EBPL: variants seen among roughly 807,000 people sequenced by gnomAD.
EBPL encodes emopamil-binding protein-like.
A neutral mutation model predicts 19.0 loss-of-function variants in EBPL; 20 were observed. That is an observed-to-expected ratio of 1.05 (90% CI 0.74 to 1.53). The LOEUF (loss-of-function observed/expected upper bound fraction) is 1.53. Among genes scored for constraint, EBPL ranks in the 40% most tolerant of loss-of-function variants. The probability of loss-of-function intolerance (pLI) is 0.00; values close to 1 mark genes in which losing one functional copy is unlikely to be tolerated. For synonymous variants in EBPL, 107 were observed against 117.0 expected (o/e 0.91, Z 0.55); for missense variants, 219 against 261.1 (o/e 0.84, Z 1.11).
chr13:49,669,500 A>T (rs1467309245), intron 2 of EBPL, among the ~76,000 whole-genome samples: 2 of 152,188 alleles, frequency 1.3e-5, no homozygotes, highest in African/African-American at 4.8e-5. Flanking sequence ...GTTTTAGTAG[A>T]ATCACAGGTT....
At chr13:49,663,477 T>G (rs576494486) in intron 2 of EBPL, among the ~76,000 whole-genome samples, 2 of 152,164 alleles carry the variant, frequency 1.3e-5, no homozygotes, top group African/African-American at 4.8e-5. Flanking sequence ...CTCTTCAACA[T>G]AAGTAGCAGA....
At chr13:49,670,630 C>T (rs115336807) in intron 1 of EBPL, among the ~76,000 whole-genome samples, 1 of 152,200 alleles carries the variant, frequency 6.6e-6, no homozygotes, top group Non-Finnish European at 1.5e-5. Context: ...GCGGTGATTT[C>T]ATAATATACT....
chr13:49,665,172 A>G (rs1209881117), intron 2 of EBPL, among the ~76,000 whole-genome samples: 2 of 145,276 alleles, frequency 1.4e-5, no homozygotes, highest in Non-Finnish European at 3.0e-5. Flanking sequence ...GTGCAATGGC[A>G]TGATCTCGGC....
intron 1 of EBPL, among the ~76,000 whole-genome samples, chr13:49,680,249 C>T (rs1230507329): frequency 2.0e-5 from 3 of 152,200 alleles, no homozygotes; most frequent in South Asian, 2.1e-4. Flanking sequence ...GACTCCTGTA[C>T]TGTCATTTCT....
In EBPL at chr13:49,691,264, T is replaced by C. The variant is rs1954060941; in HGVS notation, c.161A>G (p.His54Arg). The C allele has an allele frequency of 7.2e-7, 1 of 1,395,142 alleles. No individual in the cohort carries two copies. Among genetic ancestry groups the C allele is most frequent in the South Asian group, 1.9e-5 (1 of 53,874 alleles). The allele number at this position is 1,395,142 out of a possible 1,614,324, so 86.4% of individuals were successfully genotyped here. A position where few individuals can be genotyped will look rare whatever the true frequency, so the allele number is the denominator to read the frequency against. Residue 54 changes from histidine to arginine, a missense_variant, in exon 1 of 4, where the codon CAC (histidine) becomes CGC (arginine). Coordinates refer to ENST00000242827, the MANE Select transcript of EBPL (RefSeq NM_032565.5). ...GGCGATGGCACTTACCAGCGCGAAGTGCACCAGCGCGTCGTAGCAGAGCCA... is the reference window on the plus strand; with the variant it reads ...GGCGATGGCACTTACCAGCGCGAAGCGCACCAGCGCGTCGTAGCAGAGCCA... ...LIWLCYDALV[H>R]FALEGPFVYL...
intron 1 of EBPL, among the ~76,000 whole-genome samples, chr13:49,688,092 C>CTA (rs1954018450): frequency 6.6e-6 from 1 of 152,206 alleles, no homozygotes; most frequent in Non-Finnish European, 1.5e-5. Flanking sequence ...TGCCTGAATG[C>CTA]TATACATAGA....
At chr13:49,683,546 C>CA (rs1416567865) in intron 1 of EBPL, among the ~76,000 whole-genome samples, 8 of 67,588 alleles carry the variant, frequency 1.2e-4, no homozygotes, top group South Asian at 3.5e-4. Flanking sequence ...AACAAACAAA[C>CA]AAAAAAAACA....
intron 1 of EBPL, among the ~76,000 whole-genome samples, chr13:49,682,580 T>C (rs1199191880): frequency 6.6e-6 from 1 of 152,234 alleles, no homozygotes; most frequent in African/African-American, 2.4e-5. Context: ...GGCACTCACT[T>C]GGGAGCTGGT....
At chr13:49,669,724 C>A in intron 2 of EBPL, 53 bp downstream of exon 2, 1 of 1,507,806 alleles carries the variant, frequency 6.6e-7, no homozygotes, top group Non-Finnish European at 9.2e-7. Flanking sequence ...GACAGTCACA[C>A]TTGCAATAAA....
intron 2 of EBPL, 116 bp downstream of exon 2, chr13:49,669,661 T>A: frequency 7.2e-6 from 6 of 828,976 alleles, no homozygotes; most frequent in Middle Eastern, 2.5e-4. Context: ...CAGACTCACC[T>A]ATTCTGGACA....
intron 3 of EBPL, chr13:49,661,851 T>C: frequency 6.4e-7 from 1 of 1,550,444 alleles, no homozygotes; most frequent in Non-Finnish European, 8.7e-7. Flanking sequence ...GAAAATGGAA[T>C]GCAGCTGTGC....
chr13:49,669,607 C>G (rs1953788031), intron 2 of EBPL, among the ~76,000 whole-genome samples, 170 bp downstream of exon 2: 1 of 152,022 alleles, frequency 6.6e-6, no homozygotes, highest in South Asian at 2.1e-4. Flanking sequence ...ACACCCCCAC[C>G]CCTACCCTCA....
chr13:49,691,388 C>G lies in EBPL; in HGVS notation c.37G>C (p.Gly13Arg). 1 of 1,366,050 alleles carries G rather than the reference C, an allele frequency of 7.3e-7. No homozygotes were observed. The highest frequency in any genetic ancestry group is 9.5e-7 in the Non-Finnish European group (1 of 1,055,890). 84.6% of individuals were successfully genotyped at this position (1,366,050 alleles called of 1,614,324 possible). ...AEWELGAEAG[G>R]SLLLCAALLA... Reference sequence around the variant, plus strand: ...AGCGCGGCGCACAGCAGCAGCGAACCGCCAGCCTCGGCCCCCAGCTCCCAC... The same window carrying G: ...AGCGCGGCGCACAGCAGCAGCGAACGGCCAGCCTCGGCCCCCAGCTCCCAC... Residue 13 changes from glycine to arginine, a missense_variant, in exon 1 of 4, where the codon GGT (glycine) becomes CGT (arginine). Physicochemically the swap from Gly to Arg is moderately radical, Grantham distance 125 (BLOSUM62 -2). Coordinates refer to ENST00000242827, the MANE Select transcript of EBPL (RefSeq NM_032565.5).
intron 1 of EBPL, among the ~76,000 whole-genome samples, chr13:49,678,998 A>ACTC (rs1953912571): frequency 7.3e-6 from 1 of 137,278 alleles, no homozygotes; most frequent in African/African-American, 2.6e-5. Flanking sequence ...ACAGAGTGAG[A>ACTC]CTCCGTCTAA....
Position 49,660,900 on chromosome 13 carries a change from G to A in EBPL, c.*68C>T. The A allele has an allele frequency of 7.3e-7, 1 of 1,375,862 alleles. No individual in the cohort carries two copies. Among genetic ancestry groups the A allele is most frequent in the Non-Finnish European group, 1.0e-6 (1 of 992,220 alleles). 85.2% of individuals were successfully genotyped at this position (1,375,862 alleles called of 1,614,324 possible). Reference sequence around the variant, plus strand: ...GTAGACTGGAATGTATTACATTTTGGCCAAACAAAAAGATTTGATTCATTC... The same window carrying A: ...GTAGACTGGAATGTATTACATTTTGACCAAACAAAAAGATTTGATTCATTC... On this transcript the variant is annotated 3_prime_UTR_variant, in exon 4 of 4. Transcript: ENST00000242827.
intron 2 of EBPL, among the ~76,000 whole-genome samples, chr13:49,668,750 T>C (rs1953775542): frequency 6.6e-6 from 1 of 152,084 alleles, no homozygotes; most frequent in Admixed American, 6.6e-5. Flanking sequence ...ACAATGAGCA[T>C]GAAGACTTTT....
In EBPL at chr13:49,676,662, C is replaced by T. The variant is rs375591941; in HGVS notation, c.172-6816G>A. Among the ~76,000 whole-genome samples, 48 of 152,140 alleles carry T rather than the reference C, an allele frequency of 3.2e-4. 1 individual carries two copies. The South Asian group carries it at 9.1e-3, about 29-fold the overall frequency. ...AAACCCCGGTGAATCCTTCCTTCCTCGGTGCCACCTCTAGGCCTGGACAGT... is the reference window on the plus strand; with the variant it reads ...AAACCCCGGTGAATCCTTCCTTCCTTGGTGCCACCTCTAGGCCTGGACAGT... On this transcript the variant is annotated intron_variant, in intron 1 of 3. Coordinates refer to ENST00000242827, the MANE Select transcript of EBPL (RefSeq NM_032565.5).
At chr13:49,661,254 G>A (rs753117191) in intron 3 of EBPL, 46 bp from the exon 4 acceptor site, 74 of 1,491,732 alleles carry the variant, frequency 5.0e-5, no homozygotes, top group Non-Finnish European at 6.2e-5. Context: ...GCTTGGCACA[G>A]TTTGGCATCA....
At chr13:49,662,905 G>A (rs1402471859) in intron 3 of EBPL, 152 bp downstream of exon 3, 1 of 981,834 alleles carries the variant, frequency 1.0e-6, no homozygotes, top group Non-Finnish European at 1.5e-6. Flanking sequence ...CAAAGTGCTG[G>A]GATTACAGGT....
Sources: allele counts gnomAD v4.1 joint callset (sites outside exome capture counted in the v4.1 genomes callset), GRCh38; gene constraint gnomAD v4.1.1; transcripts MANE v1.5; gene names NCBI Gene and HGNC (gene_info 2026-07-23, HGNC 2026-07-21).